The following SLC5A12 variants were observed in gnomAD, a reference collection of about 807,000 sequenced individuals.
SLC5A12 encodes sodium-coupled monocarboxylate transporter 2.
SLC5A12 carries 46 observed loss-of-function variants against 72.7 expected under a neutral mutation model. The observed-to-expected ratio is 0.63, with a 90% CI of 0.50 to 0.81. The LOEUF (loss-of-function observed/expected upper bound fraction) is 0.81, where lower values mean the gene tolerates loss of function less well. Ranked by LOEUF, SLC5A12 falls within the 30% of genes least tolerant of loss-of-function variation. The pLI is 0.00. For synonymous variants in SLC5A12, 275 were observed against 264.4 expected, an observed-to-expected ratio of 1.04 and a Z score of -0.39; for missense variants, 683 against 740.7, an observed-to-expected ratio of 0.92 and a Z score of 0.90.
rs571640179 is a variant in SLC5A12, at chr11:26,692,348, GAATC to G, written c.1153+137_1153+140del. ...CCCTGCTGGATCTTTGGAAGTGTAA[GAATC>G]TATGTGTGGGATTCTTCACATATCT... On this transcript the variant is annotated intron_variant, in intron 9 of 14. Coordinates refer to ENST00000396005, the MANE Select transcript of SLC5A12 (RefSeq NM_178498.4). 118 of 636,542 alleles carry G rather than the reference GAATC, an allele frequency of 1.9e-4. 2 individuals carry two copies. In the South Asian group the frequency reaches 2.1e-3, roughly 11 times the overall value. 39.4% of individuals were successfully genotyped at this position (636,542 alleles called of 1,614,324 possible).
chr11:26,705,515 G>A (rs776181493), intron 4 of SLC5A12, among the ~76,000 whole-genome samples: 8 of 151,994 alleles, frequency 5.3e-5, no homozygotes, highest in Non-Finnish European at 1.2e-4. Context: ...AAGACATTGG[G>A]GTTGCCCCAT....
At chr11:26,721,253 T>A in intron 1 of SLC5A12, 123 bp downstream of exon 1, 1 of 770,954 alleles carries the variant, frequency 1.3e-6, no homozygotes, top group South Asian at 2.0e-5. Flanking sequence ...TACAAAAACA[T>A]TTTAATGTCT....
chr11:26,700,389 T>C (rs1032810264), intron 6 of SLC5A12, among the ~76,000 whole-genome samples: 1 of 152,190 alleles, frequency 6.6e-6, no homozygotes, highest in Non-Finnish European at 1.5e-5. Flanking sequence ...AAAGTATTTA[T>C]TGGGCAACTC....
intron 9 of SLC5A12, among the ~76,000 whole-genome samples, chr11:26,689,159 G>A (rs1220879796): frequency 6.6e-6 from 1 of 151,558 alleles, no homozygotes; most frequent in African/African-American, 2.4e-5. Context: ...ACTTAGGGAG[G>A]CCTAGGCAGG....
At position 26,671,079 on chromosome 11, in the gene SLC5A12, T is replaced by A; in HGVS notation, c.*23A>T. ...TGTGTGTGTGTATTGCACGTGTGTGTGTGCATTCATACAGGTATTGCCTTA... is the reference window on the plus strand; with the variant it reads ...TGTGTGTGTGTATTGCACGTGTGTGAGTGCATTCATACAGGTATTGCCTTA... On this transcript the variant is annotated 3_prime_UTR_variant, in exon 15 of 15. Transcript: ENST00000396005. 6.3e-7 allele frequency: 1 copy of A among 1,577,664 alleles called. No individual in the cohort carries two copies. Among genetic ancestry groups the A allele is most frequent in the Non-Finnish European group, 8.6e-7 (1 of 1,160,248 alleles).
At chr11:26,714,027 G>C (rs1590740749) in intron 1 of SLC5A12, among the ~76,000 whole-genome samples, 1 of 151,518 alleles carries the variant, frequency 6.6e-6, no homozygotes, top group South Asian at 2.1e-4. Flanking sequence ...CATTTATATA[G>C]AGCCTCTCTG....
chr11:26,684,357 T>A (rs570810857), intron 10 of SLC5A12, among the ~76,000 whole-genome samples: 8 of 152,236 alleles, frequency 5.3e-5, no homozygotes, highest in African/African-American at 1.9e-4. Context: ...ATTCTTGGCA[T>A]TTCCTCTGCT....
intron 4 of SLC5A12, among the ~76,000 whole-genome samples, chr11:26,705,904 C>T (rs544636089): frequency 4.0e-5 from 6 of 148,732 alleles, no homozygotes; most frequent in African/African-American, 1.5e-4. Context: ...TACAGCGAGT[C>T]CTCACCTCTT....
At chr11:26,703,443 CA>C in intron 6 of SLC5A12, 87 bp downstream of exon 6, 1 of 1,380,686 alleles carries the variant, frequency 7.2e-7, no homozygotes, top group Admixed American at 1.8e-5. Flanking sequence ...CACACACACA[CA>C]CACCCCCCAA....
intron 11 of SLC5A12, among the ~76,000 whole-genome samples, 162 bp from the exon 12 acceptor site, chr11:26,681,383 C>G (rs1854409382): frequency 6.6e-6 from 1 of 152,094 alleles, no homozygotes; most frequent in South Asian, 2.1e-4. Flanking sequence ...ACCTCAACTC[C>G]CATAATGCAG....
In SLC5A12 at chr11:26,681,146, G is replaced by T. The variant is rs1293363709; in HGVS notation, c.1384C>A (p.Pro462Thr). 1 of 1,611,640 alleles carries T rather than the reference G, an allele frequency of 6.2e-7. No homozygotes were observed. The highest frequency in any genetic ancestry group is 8.5e-7 in the Non-Finnish European group (1 of 1,178,992). The change falls in exon 12 of 15, where the codon CCA (proline) becomes ACA (threonine). Residue 462 changes from proline (P) to threonine (T), a missense_variant. Physicochemically the swap from Pro to Thr is conservative, Grantham distance 38. Transcript: ENST00000396005. ...VAIGAFIYPA[P>T]ASKTWPLPLS... is the part of the protein sequence containing the mutation. ...GGCAAAGGCCATGTCTTAGAGGCTGGTGCAGGGTAAATGAAGGCCCCAATG... is the reference window on the plus strand; with the variant it reads ...GGCAAAGGCCATGTCTTAGAGGCTGTTGCAGGGTAAATGAAGGCCCCAATG...
chr11:26,669,092 C>T lies in SLC5A12; in HGVS notation c.*2010G>A, dbSNP rs1422366835. 3 of 151,398 alleles carry T rather than the reference C, an allele frequency of 2.0e-5. No homozygotes were observed. The highest frequency in any genetic ancestry group is 6.6e-5 in the Admixed American group (1 of 15,144). 9.4% of individuals were successfully genotyped at this position (151,398 alleles called of 1,614,324 possible). On this transcript the variant is annotated 3_prime_UTR_variant, in exon 15 of 15. Transcript: ENST00000396005. Reference sequence around the variant, plus strand: ...ATATATGTATATGCATATGTAATACCTACCATTAATTTATTCTCATCCTCA... The same window carrying T: ...ATATATGTATATGCATATGTAATACTTACCATTAATTTATTCTCATCCTCA...
rs1382138786 is a variant in SLC5A12, at chr11:26,703,605, C to T, written c.747G>A (p.Trp249Ter). 6.2e-7 allele frequency: 1 copy of T among 1,613,800 alleles called. No homozygotes were observed. Among genetic ancestry groups the T allele is most frequent in the Non-Finnish European group, 8.5e-7 (1 of 1,179,956 alleles). The change falls in exon 6 of 15, where the codon TGG (tryptophan) becomes TGA (stop). Residue 249 changes from tryptophan (W) to a stop codon, truncating the protein, a stop_gained. Transcript: ENST00000396005. LOFTEE classifies it high-confidence loss of function. ...WTITVGGTFTWLGIYGVNQST... is the reference protein window; with the variant it reads ...WTITVGGTFT Reference sequence around the variant, plus strand: ...ATTGATTGACCCCATAGATTCCGAGCCAAGTAAAAGTTCCTCCCACTGTGA... The same window carrying T: ...ATTGATTGACCCCATAGATTCCGAGTCAAGTAAAAGTTCCTCCCACTGTGA...
intron 6 of SLC5A12, among the ~76,000 whole-genome samples, chr11:26,702,522 G>A (rs1854982663): frequency 6.6e-6 from 1 of 152,192 alleles, no homozygotes; most frequent in Non-Finnish European, 1.5e-5. Flanking sequence ...AAACAGCACT[G>A]AAGATGAAGA....
intron 13 of SLC5A12, among the ~76,000 whole-genome samples, chr11:26,674,589 G>A (rs1350745631): frequency 6.6e-6 from 1 of 152,052 alleles, no homozygotes; most frequent in East Asian, 1.9e-4. Flanking sequence ...TTTTTGTAGA[G>A]ATGGGATTTC....
chr11:26,691,447 G>A (rs1486161650), intron 9 of SLC5A12, among the ~76,000 whole-genome samples: 1 of 148,056 alleles, frequency 6.8e-6, no homozygotes, highest in South Asian at 2.1e-4. Flanking sequence ...AGATGCAGTC[G>A]AAGGTTTATG....
Position 26,681,146 on chromosome 11 carries a change from G to C in SLC5A12, c.1384C>G (p.Pro462Ala). Residue 462 changes from proline (P) to alanine (A), a missense_variant, in exon 12 of 15, where the codon CCA becomes GCA. Pro to Ala is a conservative substitution (Grantham distance 27). Transcript: ENST00000396005. ...VAIGAFIYPA[P>A]ASKTWPLPLS... ...GGCAAAGGCCATGTCTTAGAGGCTG[G>C]TGCAGGGTAAATGAAGGCCCCAATG... 6.2e-7 allele frequency: 1 copy of C among 1,611,760 alleles called. No individual in the cohort carries two copies. Among genetic ancestry groups the C allele is most frequent in the Non-Finnish European group, 8.5e-7 (1 of 1,178,984 alleles).
At chr11:26,698,333 C>T in intron 7 of SLC5A12, 73 bp downstream of exon 7, 1 of 1,559,322 alleles carries the variant, frequency 6.4e-7, no homozygotes, top group Non-Finnish European at 8.7e-7. Flanking sequence ...AAGAGAAAGG[C>T]CAAGATTATC....
At chr11:26,710,851 T>A (rs952372888) in intron 3 of SLC5A12, among the ~76,000 whole-genome samples, 2 of 152,046 alleles carry the variant, frequency 1.3e-5, no homozygotes, top group Non-Finnish European at 2.9e-5. Flanking sequence ...TACTTTGACT[T>A]TTTTTCTTTC....
Sources: gnomAD v4.1 joint callset for allele counts (sites outside exome capture counted in the v4.1 genomes callset) on GRCh38, gnomAD v4.1.1 for gene constraint, MANE v1.5 for transcripts, NCBI Gene and HGNC (gene_info 2026-07-23, HGNC 2026-07-21) for gene names.